The following SMIM24 variants were observed in gnomAD, a reference collection of about 807,000 sequenced individuals.
SMIM24 encodes the protein small integral membrane protein 24, also known as MAP17-related dimer.
In SMIM24, 6 loss-of-function variants were observed where a neutral mutation model predicts 10.8. The observed-to-expected ratio is 0.55, with a 90% confidence interval of 0.30 to 1.09. The LOEUF (loss-of-function observed/expected upper bound fraction) is 1.09, where lower values mean the gene tolerates loss of function less well. Ranked by LOEUF, SMIM24 falls within the 50% of genes least tolerant of loss-of-function variation. SMIM24 has a pLI of 0.06. For missense variants in SMIM24, 151 were observed against 153.4 expected (o/e 0.98, Z 0.08); for synonymous variants, 71 against 62.4 (o/e 1.14, Z -0.65).
intron 1 of SMIM24, among the ~76,000 whole-genome samples, chr19:3,479,318 G>C (rs914428489): frequency 6.8e-6 from 1 of 147,778 alleles, no homozygotes; most frequent in African/African-American, 2.5e-5. Flanking sequence ...AGTGGCTCAG[G>C]GGTGGGGTTT....
intron 2 of SMIM24, 40 bp from the exon 3 acceptor site, chr19:3,478,518 G>C (rs574674330): frequency 5.2e-5 from 78 of 1,507,738 alleles, no homozygotes; most frequent in Non-Finnish European, 6.4e-5. Context: ...GGCGGGAGAG[G>C]AGAAAGGGGG....
intron 3 of SMIM24, among the ~76,000 whole-genome samples, chr19:3,476,735 G>C (rs908415374): frequency 6.7e-6 from 1 of 150,062 alleles, no homozygotes; most frequent in African/African-American, 2.4e-5. Context: ...AGAGCCCCCA[G>C]CCCTGGATGG....
intron 3 of SMIM24, among the ~76,000 whole-genome samples, chr19:3,476,972 G>T (rs2082794670): frequency 6.7e-6 from 1 of 150,152 alleles, no homozygotes; most frequent in Non-Finnish European, 1.5e-5. Flanking sequence ...ATGGCTGATG[G>T]ATAGATGGGT....
At chr19:3,479,242 A>G (rs972767706) in intron 1 of SMIM24, among the ~76,000 whole-genome samples, 3 of 144,906 alleles carry the variant, frequency 2.1e-5, no homozygotes, top group Non-Finnish European at 4.5e-5. Flanking sequence ...CTTATAATGC[A>G]GGCAGAGGCT....
intron 3 of SMIM24, among the ~76,000 whole-genome samples, chr19:3,475,587 ATGGG>A (rs1426789712): frequency 7.5e-6 from 1 of 133,784 alleles, no homozygotes; most frequent in Non-Finnish European, 1.6e-5. Context: ...AGACAGATGA[ATGGG>A]TGGGTGGGTG....
chr19:3,478,135 C>T (rs73919198), intron 3 of SMIM24, among the ~76,000 whole-genome samples: 9,461 of 152,160 alleles, frequency 0.062, 999 homozygotes, highest in African/African-American at 0.21. Flanking sequence ...GAAGGCACCA[C>T]GTAATGTCTC....
In SMIM24 at chr19:3,474,667, G is replaced by T; in HGVS notation, c.*176C>A. Reference sequence around the variant, plus strand: ...AGAGGGGTGCATGAAAACCATGTTTGCCCAGAGAGCCCCCAATGAGGGAGG... The same window carrying T: ...AGAGGGGTGCATGAAAACCATGTTTTCCCAGAGAGCCCCCAATGAGGGAGG... On this transcript the variant is annotated 3_prime_UTR_variant, in exon 4 of 4. Transcript: ENST00000215531. 2.7e-6 allele frequency: 2 copies of T among 729,442 alleles called. No homozygotes were observed. The highest frequency in any genetic ancestry group is 4.3e-6 in the Non-Finnish European group (2 of 469,292). 45.2% of individuals were successfully genotyped at this position (729,442 alleles called of 1,614,324 possible). A position where few individuals can be genotyped will look rare whatever the true frequency, so the allele number is the denominator to read the frequency against.
intron 1 of SMIM24, 162 bp from the exon 2 acceptor site, chr19:3,479,091 T>C: frequency 3.0e-6 from 1 of 335,180 alleles, no homozygotes; most frequent in Non-Finnish European, 5.1e-6. Flanking sequence ...CGTAGGGGGG[T>C]CGGGAGGGTT....
intron 3 of SMIM24, 96 bp downstream of exon 3, chr19:3,478,323 T>A (rs2082801842): frequency 8.5e-7 from 1 of 1,176,318 alleles, no homozygotes. Context: ...AGGAATGTGT[T>A]TGAAGGATTC....
In SMIM24 at chr19:3,475,074, C is replaced by G. The variant is rs955070923; in HGVS notation, c.240-78G>C. The G allele has an allele frequency of 1.4e-5, 20 of 1,438,342 alleles. 1 individual carries two copies. The Admixed American group carries it at 4.5e-4, about 33-fold the overall frequency. The allele number at this position is 1,438,342 out of a possible 1,614,324, so 89.1% of individuals were successfully genotyped here. A position where few individuals can be genotyped will look rare whatever the true frequency, so the allele number is the denominator to read the frequency against. On this transcript the variant is annotated intron_variant, in intron 3 of 3. Coordinates refer to ENST00000215531, the MANE Select transcript of SMIM24 (RefSeq NM_001136503.2). Reference sequence around the variant, plus strand: ...TTAATGGCCACTCACTTGAGCCAGCCCATGTGATGAGTATTTTACAAGCGG... The same window carrying G: ...TTAATGGCCACTCACTTGAGCCAGCGCATGTGATGAGTATTTTACAAGCGG...
Position 3,474,328 on chromosome 19 carries a change from C to T in SMIM24, c.*515G>A, listed in dbSNP as rs1376598368. ...CACCCTGAGCCTCCATATCATCCGC[C>T]CAGCCATCGCCCGCAGCCCCAAAAG... On this transcript the variant is annotated 3_prime_UTR_variant, in exon 4 of 4. Transcript: ENST00000215531. 1 of 157,276 alleles carries T rather than the reference C, an allele frequency of 6.4e-6. No individual in the cohort carries two copies. The highest frequency in any genetic ancestry group is 2.4e-5 in the African/African-American group (1 of 41,458). 9.7% of individuals were successfully genotyped at this position (157,276 alleles called of 1,614,324 possible). A position where few individuals can be genotyped will look rare whatever the true frequency, so the allele number is the denominator to read the frequency against.
At chr19:3,475,857 T>A (rs573087779) in intron 3 of SMIM24, among the ~76,000 whole-genome samples, 1 of 149,706 alleles carries the variant, frequency 6.7e-6, no homozygotes, top group African/African-American at 2.5e-5. Flanking sequence ...GGATGATAGA[T>A]GGATGGGTGG....
At chr19:3,478,692 G>T in intron 2 of SMIM24, 126 bp downstream of exon 2, 1 of 876,954 alleles carries the variant, frequency 1.1e-6, no homozygotes, top group Non-Finnish European at 1.7e-6. Flanking sequence ...AGTAGAGGTT[G>T]GAGGAGCAGC....
chr19:3,478,633 G>A, intron 2 of SMIM24, 155 bp from the exon 3 acceptor site: 1 of 899,214 alleles, frequency 1.1e-6, no homozygotes, highest in Non-Finnish European at 1.7e-6. Flanking sequence ...TGCCTGGCTC[G>A]TTGTCTTGGG....
chr19:3,478,259 TGGA>T (rs1156598745), intron 3 of SMIM24, among the ~76,000 whole-genome samples, 157 bp downstream of exon 3: 3 of 152,208 alleles, frequency 2.0e-5, no homozygotes, highest in African/African-American at 7.2e-5. Context: ...GACTAGGGAC[TGGA>T]GGAGGAGAAG....
At chr19:3,476,987 A>T (rs2082794725) in intron 3 of SMIM24, among the ~76,000 whole-genome samples, 1 of 137,780 alleles carries the variant, frequency 7.3e-6, no homozygotes, top group Non-Finnish European at 1.5e-5. Context: ...ATGGGTGGGT[A>T]GATGGATGGG....
intron 3 of SMIM24, among the ~76,000 whole-genome samples, chr19:3,477,351 AG>A (rs1187557856): frequency 1.3e-5 from 1 of 76,178 alleles, no homozygotes; most frequent in African/African-American, 5.1e-5. Context: ...GTGGATGGGT[AG>A]GTGATGGGTG....
intron 3 of SMIM24, 82 bp from the exon 4 acceptor site, chr19:3,475,078 G>T: frequency 7.0e-7 from 1 of 1,429,414 alleles, no homozygotes; most frequent in Non-Finnish European, 9.5e-7. Context: ...GCCAGCCCAT[G>T]TGATGAGTAT....
intron 2 of SMIM24, 21 bp from the exon 3 acceptor site, chr19:3,478,499 G>A (rs1217164168): frequency 1.3e-6 from 2 of 1,541,868 alleles, no homozygotes; most frequent in South Asian, 2.4e-5. Context: ...AAAGGGAAAG[G>A]TGGAAGGGGG....
Sources: gnomAD v4.1 joint callset for allele counts (sites outside exome capture counted in the v4.1 genomes callset) on GRCh38, gnomAD v4.1.1 for gene constraint, MANE v1.5 for transcripts, NCBI Gene and HGNC (gene_info 2026-07-23, HGNC 2026-07-21) for gene names.